The following ACBD6 variants were observed in gnomAD, a reference collection of about 807,000 sequenced individuals.
ACBD6 encodes the protein acyl-CoA-binding domain-containing protein 6.
A neutral mutation model predicts 37.2 loss-of-function variants in ACBD6; 28 were observed. The ratio of observed to expected loss-of-function variants is 0.75; its 90% CI spans 0.56 to 1.03. The LOEUF is 1.03. Ranked by LOEUF, ACBD6 falls within the 50% of genes least tolerant of loss-of-function variation. ACBD6 has a pLI of 0.00. For missense variants in ACBD6, 340 were observed against 337.4 expected, an observed-to-expected ratio of 1.01 and a Z score of -0.06; for synonymous variants, 113 against 126.8, an observed-to-expected ratio of 0.89 and a Z score of 0.73.
chr1:180,501,316 A>T (rs2102109835), intron 1 of ACBD6, among the ~76,000 whole-genome samples: 1 of 150,464 alleles, frequency 6.6e-6, no homozygotes, highest in African/African-American at 2.5e-5. Context: ...TAAAAGTTGT[A>T]ATACTGCATT....
At chr1:180,295,436 T>TTTCTTGTGTAGGA (rs1649879834) in intron 7 of ACBD6, among the ~76,000 whole-genome samples, 1 of 152,182 alleles carries the variant, frequency 6.6e-6, no homozygotes, top group Admixed American at 6.5e-5. Context: ...GTGTTTTCAT[T>TTTCTTGTGTAGGA]TTCATTCAGT....
intron 6 of ACBD6, among the ~76,000 whole-genome samples, chr1:180,332,863 C>T (rs1252021479): frequency 6.6e-6 from 1 of 152,092 alleles, no homozygotes; most frequent in Non-Finnish European, 1.5e-5. Flanking sequence ...GATAAATGAC[C>T]TTTTCTTAGT....
intron 3 of ACBD6, among the ~76,000 whole-genome samples, chr1:180,431,267 T>C (rs1277308265): frequency 6.6e-6 from 1 of 151,992 alleles, no homozygotes; most frequent in Non-Finnish European, 1.5e-5. Flanking sequence ...CTGGGGGAAC[T>C]AAGGTTTCAA....
At chr1:180,480,542 G>C (rs772960371) in intron 3 of ACBD6, among the ~76,000 whole-genome samples, 10 of 152,190 alleles carry the variant, frequency 6.6e-5, no homozygotes, top group Admixed American at 3.3e-4. Flanking sequence ...GTAGACAGTT[G>C]ATAAGTTCTA....
chr1:180,356,009 A>C (rs1479893626), intron 6 of ACBD6, among the ~76,000 whole-genome samples: 1 of 150,654 alleles, frequency 6.6e-6, no homozygotes, highest in African/African-American at 2.4e-5. Context: ...CTGGGACTAC[A>C]GGCACACGCC....
chr1:180,389,813 T>A lies in ACBD6; in HGVS notation c.663+7703A>T, dbSNP rs575915928. 5.3e-5 allele frequency among the ~76,000 whole-genome samples: 8 copies of A among 152,228 alleles called. No homozygotes were observed. The South Asian group carries it at 1.7e-3, about 31-fold the overall frequency. ...CATAAATGACTTCTTTTGAGAAGTG[T>A]CTGTTCATGTCCTTTGCCCACTTTT... is the stretch of plus-strand genomic sequence containing the variant. On this transcript the variant is annotated intron_variant, in intron 6 of 7. Transcript: ENST00000367595.
At chr1:180,353,074 ATTATC>A (rs1447854375) in intron 6 of ACBD6, among the ~76,000 whole-genome samples, 1 of 152,168 alleles carries the variant, frequency 6.6e-6, no homozygotes, top group Non-Finnish European at 1.5e-5. Flanking sequence ...CTTAACTGAT[ATTATC>A]TTGTTTGTTT....
intron 1 of ACBD6, among the ~76,000 whole-genome samples, chr1:180,501,739 A>G (rs1019724894): frequency 1.3e-5 from 2 of 152,074 alleles, no homozygotes; most frequent in Non-Finnish European, 2.9e-5. Flanking sequence ...ATCTTATTTT[A>G]TCCTCATTTT....
At chr1:180,445,463 G>C (rs186825337) in intron 3 of ACBD6, among the ~76,000 whole-genome samples, 1 of 152,064 alleles carries the variant, frequency 6.6e-6, no homozygotes, top group South Asian at 2.1e-4. Context: ...ACTTCAAAAC[G>C]AGTCTATAAA....
At chr1:180,376,730 A>C (rs74135059) in intron 6 of ACBD6, among the ~76,000 whole-genome samples, 6,448 of 152,294 alleles carry the variant, frequency 0.042, 431 homozygotes, top group African/African-American at 0.14. Flanking sequence ...CTGAAAAGAC[A>C]GAGATGGCAC....
intron 3 of ACBD6, 138 bp from the exon 4 acceptor site, chr1:180,430,400 C>G: frequency 1.4e-6 from 1 of 736,148 alleles, no homozygotes; most frequent in Non-Finnish European, 2.3e-6. Flanking sequence ...CCTAGTAAAA[C>G]TTTTAAGGTG....
chr1:180,469,534 T>C (rs1018950528), intron 3 of ACBD6, among the ~76,000 whole-genome samples: 4 of 152,206 alleles, frequency 2.6e-5, no homozygotes, highest in African/African-American at 9.6e-5. Context: ...ACTTGGTTAA[T>C]AAAATCTAAT....
intron 10 of ACBD6, chr1:180,274,639 A>G (rs1648918148): frequency 6.7e-7 from 1 of 1,484,136 alleles, no homozygotes. Context: ...TCAAGGATCA[A>G]AAGAGACTTG....
At chr1:180,288,686 T>C (rs1197804745) in intron 7 of ACBD6, among the ~76,000 whole-genome samples, 169 bp from the exon 8 acceptor site, 2 of 152,242 alleles carry the variant, frequency 1.3e-5, no homozygotes, top group Non-Finnish European at 2.9e-5. Flanking sequence ...GGTATTATGC[T>C]AGATTTTCAA....
chr1:180,464,453 TAAAC>T (rs1420964308), intron 3 of ACBD6, among the ~76,000 whole-genome samples: 2 of 151,572 alleles, frequency 1.3e-5, no homozygotes, highest in Non-Finnish European at 2.9e-5. Flanking sequence ...CACAAAAAAA[TAAAC>T]AAAGTACCTA....
chr1:180,399,490 G>A (rs1647255446), intron 5 of ACBD6, among the ~76,000 whole-genome samples: 1 of 152,040 alleles, frequency 6.6e-6, no homozygotes, highest in Non-Finnish European at 1.5e-5. Flanking sequence ...GGCTGGTCTC[G>A]AACTCCTGAC....
chr1:180,449,130 C>G (rs966907684), intron 3 of ACBD6, among the ~76,000 whole-genome samples: 1 of 152,124 alleles, frequency 6.6e-6, no homozygotes, highest in African/African-American at 2.4e-5. Flanking sequence ...CTCCATGCAA[C>G]TATCTTAGTT....
chr1:180,272,114 C>T (rs1257529183), intron 13 of ACBD6: 20 of 974,554 alleles, frequency 2.1e-5, no homozygotes, highest in Non-Finnish European at 3.0e-5. Flanking sequence ...CAACTCCCTC[C>T]TGAACACAGG....
At chr1:180,450,207 ATT>A (rs1649648798) in intron 3 of ACBD6, among the ~76,000 whole-genome samples, 1 of 152,208 alleles carries the variant, frequency 6.6e-6, no homozygotes, top group Non-Finnish European at 1.5e-5. Flanking sequence ...TGTTAAGGTA[ATT>A]TTAAGCCACA....
Sources: allele counts gnomAD v4.1 joint callset (sites outside exome capture counted in the v4.1 genomes callset), GRCh38; gene constraint gnomAD v4.1.1; transcripts MANE v1.5; gene names NCBI Gene and HGNC (gene_info 2026-07-23, HGNC 2026-07-21).